Variants in CHRNB4 observed in about 807,000 individuals in gnomAD.
CHRNB4 encodes the protein cholinergic receptor nicotinic beta 4 subunit.
In CHRNB4, 23 loss-of-function variants were observed where a neutral mutation model predicts 40.4. The ratio of observed to expected loss-of-function variants is 0.57; its 90% CI spans 0.41 to 0.81. The LOEUF is 0.81. CHRNB4 is among the 30% of genes least tolerant of loss of function. CHRNB4 has a pLI of 0.00. For missense variants in CHRNB4, 568 were observed against 670.6 expected (o/e 0.85, Z 1.69); for synonymous variants, 285 against 274.4 (o/e 1.04, Z -0.38).
At chr15:78,652,797 G>C (rs1040945840) in intron 5 of CHRNB4, 2 of 152,196 alleles carry the variant, frequency 1.3e-5, no homozygotes, top group Non-Finnish European at 2.9e-5. Context: ...CGGCTGTCCT[G>C]ATGCTTCAAC....
At chr15:78,631,262 G>A (rs749603795) in intron 3 of CHRNB4, 26 bp downstream of exon 3, 3 of 1,613,920 alleles carry the variant, frequency 1.9e-6, no homozygotes, top group Non-Finnish European at 1.7e-6. Flanking sequence ...AGATCTCTGG[G>A]GCTCAGGGCC....
chr15:78,628,994 G>A lies in CHRNB4; in HGVS notation c.1311C>T (p.His437=). The change falls in exon 5 of 6, where the codon CAC becomes CAT. Residue 437 remains histidine (H), a synonymous_variant. Coordinates refer to ENST00000261751, the MANE Select transcript of CHRNB4 (RefSeq NM_000750.5). ...ALEGVSFIAQ[H]MKNDDEDQSV... is the part of the protein sequence containing the mutation. ...TCTGGTCTTCATCGTCATTCTTCAT[G>A]TGCTGGGCGATGAAGCTGACACCTT... is the stretch of plus-strand genomic sequence containing the variant. The A allele has an allele frequency of 6.2e-7, 1 of 1,613,992 alleles. No individual in the cohort carries two copies. The highest frequency in any genetic ancestry group is 8.5e-7 in the Non-Finnish European group (1 of 1,179,870).
At chr15:78,650,197 T>C (rs1158580275) in intron 6 of CHRNB4, among the ~76,000 whole-genome samples, 1 of 152,204 alleles carries the variant, frequency 6.6e-6, no homozygotes, top group East Asian at 1.9e-4. Context: ...GTGACTGTCG[T>C]GTGCCCTTCT....
chr15:78,653,852 C>T (rs1329410537), intron 5 of CHRNB4, among the ~76,000 whole-genome samples: 4 of 152,136 alleles, frequency 2.6e-5, no homozygotes, highest in Non-Finnish European at 5.9e-5. Context: ...TTATCATTTA[C>T]AGTAATTACT....
At chr15:78,628,507 C>T (rs1463812211) in intron 5 of CHRNB4, among the ~76,000 whole-genome samples, 1 of 152,216 alleles carries the variant, frequency 6.6e-6, no homozygotes, top group African/African-American at 2.4e-5. Flanking sequence ...TGGGGCTACC[C>T]TCATCCTTTA....
In CHRNB4 at chr15:78,657,179, C is replaced by G. The variant is rs117937783; in HGVS notation, c.-709+153G>C. On this transcript the variant is annotated intron_variant and NMD_transcript_variant, in intron 3 of 11. Coordinates refer to the CHRNB4 transcript ENST00000559849. ...AGCTGGGGTTACAGGCACATGCCCC[C>G]ACGACTGGCTAATTTTTGTATTTTT... Among the ~76,000 whole-genome samples the G allele has an allele frequency of 2.9e-3, 443 of 152,212 alleles. 3 individuals carry two copies. The highest frequency in any genetic ancestry group is 0.015 in the East Asian group (75 of 5,172).
intron 3 of CHRNB4, among the ~76,000 whole-genome samples, chr15:78,656,918 T>C (rs1780514691): frequency 6.6e-6 from 1 of 152,244 alleles, no homozygotes; most frequent in Non-Finnish European, 1.5e-5. Flanking sequence ...ATATCTTCTG[T>C]ACATTGGAGA....
chr15:78,653,395 T>C (rs2054188649), intron 5 of CHRNB4, among the ~76,000 whole-genome samples: 1 of 152,194 alleles, frequency 6.6e-6, no homozygotes, highest in Non-Finnish European at 1.5e-5. Context: ...CCGGCCCTGA[T>C]TCCTCTCAAT....
chr15:78,634,612 AG>A, intron 2 of CHRNB4: 1 of 424,000 alleles, frequency 2.4e-6, no homozygotes, highest in South Asian at 1.7e-5. Flanking sequence ...GCATTTCAGA[AG>A]GCAGCTACCT....
chr15:78,645,632 C>A (rs547006463), upstream of CHRNB4, among the ~76,000 whole-genome samples: 1 of 152,252 alleles, frequency 6.6e-6, no homozygotes, highest in African/African-American at 2.4e-5. Flanking sequence ...TATTGACTTT[C>A]TTCCCTTCCC....
chr15:78,647,203 GTATT>G (rs1252499202), intron 7 of CHRNB4, among the ~76,000 whole-genome samples: 6 of 152,070 alleles, frequency 3.9e-5, no homozygotes, highest in Non-Finnish European at 7.4e-5. Context: ...CTTCACTAAA[GTATT>G]TAAACTTCTA....
chr15:78,661,318 C>A (rs2054251264), upstream of CHRNB4: 1 of 586,528 alleles, frequency 1.7e-6, no homozygotes, highest in Non-Finnish European at 3.3e-6. Flanking sequence ...CACACACCTT[C>A]AGGTTGAGAA....
chr15:78,641,111 A>G lies in CHRNB4; in HGVS notation c.23T>C (p.Val8Ala). The G allele has an allele frequency of 6.3e-7, 1 of 1,580,932 alleles. No homozygotes were observed. The highest frequency in any genetic ancestry group is 1.4e-5 in the African/African-American group (1 of 74,002). ...GCAAAGGGCGACCAGGAAGAAAAGG[A>G]CCAGGGAAGGCGCGCGCCTCATGGC... is the stretch of plus-strand genomic sequence containing the variant. MRRAPSLVLFFLVALCGR... is the reference protein window; with the variant it reads MRRAPSLALFFLVALCGR... The change falls in exon 1 of 6, where the codon GTC (valine) becomes GCC (alanine). Residue 8 changes from valine (V) to alanine (A), a missense_variant. This residue lies in a region of CHRNB4 where 161 missense variants were observed against 148.1 expected (regional missense o/e 1.09). Coordinates refer to ENST00000261751, the MANE Select transcript of CHRNB4 (RefSeq NM_000750.5).
intron 1 of CHRNB4, 63 bp downstream of exon 1, chr15:78,641,016 G>C (rs2054061108): frequency 1.3e-6 from 2 of 1,517,164 alleles, no homozygotes; most frequent in African/African-American, 2.8e-5. Context: ...CCCACCTGTG[G>C]CCAGTCCAGC....
At chr15:78,645,793 C>G (rs1029233959), upstream of CHRNB4, among the ~76,000 whole-genome samples, 1 of 152,110 alleles carries the variant, frequency 6.6e-6, no homozygotes, top group Non-Finnish European at 1.5e-5. Flanking sequence ...GGCACGGTGG[C>G]TTACCCCTGT....
intron 1 of CHRNB4, among the ~76,000 whole-genome samples, chr15:78,660,206 TAAAAAAA>T (rs34647677): frequency 1.4e-5 from 2 of 143,626 alleles, no homozygotes; most frequent in African/African-American, 5.1e-5. Flanking sequence ...GACTCCGTCT[TAAAAAAA>T]AAAAAAAAGT....
chr15:78,660,761 GC>G (rs1371354626), upstream of CHRNB4: 2 of 201,318 alleles, frequency 9.9e-6, no homozygotes, highest in African/African-American at 4.7e-5. Context: ...TTTCAGCTTT[GC>G]CCTGGCCTGG....
chr15:78,628,692 T>TCACATCTCAAGTAAAC, intron 5 of CHRNB4, among the ~76,000 whole-genome samples: 1 of 152,286 alleles, frequency 6.6e-6, no homozygotes. Context: ...CTTCCCAGGA[T>TCACATCTCAAGTAAAC]CACATCTCAA....
At position 78,625,282 on chromosome 15, in the gene CHRNB4, C is replaced by A. The variant is rs2053626874; in HGVS notation, c.1348G>T (p.Asp450Tyr). 6.5e-7 allele frequency: 1 copy of A among 1,534,356 alleles called. No individual in the cohort carries two copies. ...NDDEDQSVVE[D>Y]WKYVAMVVDR... ...ACCACCATAGCCACGTACTTCCAGT[C>A]CTCAACGACCTGCAGGCAGACAGAG... Residue 450 changes from aspartate (D) to tyrosine (Y), a missense_variant, in exon 6 of 6, where the codon GAC (aspartate) becomes TAC (tyrosine). By Grantham distance (160) the Asp-to-Tyr change is radical. Coordinates refer to ENST00000261751, the MANE Select transcript of CHRNB4 (RefSeq NM_000750.5).
Sources: gnomAD v4.1 joint callset for allele counts (sites outside exome capture counted in the v4.1 genomes callset) on GRCh38, gnomAD v4.1.1 for gene constraint, gnomAD v4.1.1 regional missense constraint, MANE v1.5 for transcripts, NCBI Gene and HGNC (gene_info 2026-07-23, HGNC 2026-07-21) for gene names.